The following BLM variants were observed in gnomAD, a reference collection of about 807,000 sequenced individuals.
BLM encodes the protein BLM RecQ like helicase.
Under a neutral mutation model 135.3 loss-of-function variants are expected in BLM, and 95 were observed. The observed-to-expected ratio is 0.70, with a 90% CI of 0.59 to 0.83. The LOEUF (loss-of-function observed/expected upper bound fraction) is 0.83, where lower values mean the gene tolerates loss of function less well. BLM is among the 40% of genes least tolerant of loss of function. The pLI is 0.00. For synonymous variants in BLM, 520 were observed against 589.2 expected (o/e 0.88, Z 1.70); for missense variants, 1,518 against 1,663.9 (o/e 0.91, Z 1.53).
intron 12 of BLM, among the ~76,000 whole-genome samples, chr15:90,773,195 G>A (rs8036974): frequency 0.1 from 15,382 of 151,674 alleles, 1,412 homozygotes; most frequent in African/African-American, 0.25. Flanking sequence ...CAAGGGAGAC[G>A]GATCACCTGA....
chr15:90,749,343 T>G, intron 2 of BLM, 24 bp from the exon 3 acceptor site: 1 of 1,547,214 alleles, frequency 6.5e-7, no homozygotes, highest in East Asian at 2.2e-5. Context: ...ATCCATCTAA[T>G]CTAGTTTTTC....
intron 2 of BLM, 54 bp downstream of exon 2, chr15:90,747,544 C>T: frequency 1.8e-6 from 2 of 1,085,332 alleles, no homozygotes; most frequent in African/African-American, 1.6e-5. Context: ...CCACATTGTA[C>T]ACATGAGATA....
chr15:90,747,571 C>T (rs28384976), intron 2 of BLM, 81 bp downstream of exon 2: 2 of 877,754 alleles, frequency 2.3e-6, no homozygotes, highest in Admixed American at 2.0e-5. Flanking sequence ...CTTTAAACTC[C>T]CCCATTGTAC....
chr15:90,767,606 A>G (rs996496963), intron 10 of BLM, among the ~76,000 whole-genome samples: 1 of 152,178 alleles, frequency 6.6e-6, no homozygotes, highest in Non-Finnish European at 1.5e-5. Context: ...AGAAACAGTG[A>G]TATGTTCTCA....
At chr15:90,759,935 AAAG>A (rs1313029305) in intron 5 of BLM, 21 of 389,966 alleles carry the variant, frequency 5.4e-5, no homozygotes, top group Admixed American at 2.8e-4. Context: ...AAAAAAAGAA[AAAG>A]AAATCAAGAT....
intron 6 of BLM, 146 bp downstream of exon 6, chr15:90,760,425 A>T: frequency 7.6e-7 from 1 of 1,312,120 alleles, no homozygotes. Flanking sequence ...TGATTTGTTT[A>T]CTTTTCAAAC....
chr15:90,779,717 TA>T (rs1365876949), intron 12 of BLM, among the ~76,000 whole-genome samples: 1 of 152,200 alleles, frequency 6.6e-6, no homozygotes, highest in Non-Finnish European at 1.5e-5. Flanking sequence ...AACAACATCA[TA>T]AAGTGAAGGT....
At chr15:90,755,078 A>G in intron 5 of BLM, 140 bp downstream of exon 5, 3 of 1,099,150 alleles carry the variant, frequency 2.7e-6, no homozygotes, top group Non-Finnish European at 3.9e-6. Flanking sequence ...TAATGTCATA[A>G]CCTTGTTTAC....
chr15:90,796,434 C>T (rs28385115), intron 16 of BLM, among the ~76,000 whole-genome samples: 17,099 of 152,104 alleles, frequency 0.11, 1,843 homozygotes, highest in African/African-American at 0.28. Flanking sequence ...GTACACTTCG[C>T]AGCCATAGTC....
Position 90,811,288 on chromosome 15 carries a change from C to A in BLM, c.3958C>A (p.Pro1320Thr), listed in dbSNP as rs1596273579. Residue 1320 changes from proline to threonine, a missense_variant, in exon 21 of 22, where the codon CCC becomes ACC. By Grantham distance (38) the Pro-to-Thr change is conservative. Coordinates refer to ENST00000355112, the MANE Select transcript of BLM (RefSeq NM_000057.4). ...CGCTGAGGAGCTCGACGAGGAAATACCCGTATCTTCCCACTACTTTGCAAG... is the reference window on the plus strand; with the variant it reads ...CGCTGAGGAGCTCGACGAGGAAATAACCGTATCTTCCCACTACTTTGCAAG... ...SAAEELDEEI[P>T]VSSHYFASKT... 1 of 1,614,174 alleles carries A rather than the reference C, an allele frequency of 6.2e-7. No individual in the cohort carries two copies. The highest frequency in any genetic ancestry group is 1.1e-5 in the South Asian group (1 of 91,088).
intron 1 of BLM, among the ~76,000 whole-genome samples, chr15:90,745,421 G>GT (rs1895474058): frequency 6.6e-6 from 1 of 151,896 alleles, no homozygotes; most frequent in African/African-American, 2.4e-5. Flanking sequence ...CTTTTTTGTT[G>GT]TTTTTTGAAA....
In BLM at chr15:90,769,537, A is replaced by G. The variant is rs577806633; in HGVS notation, c.2506A>G (p.Arg836Gly). ...VMALTATANP[R>G]VQKDILTQLK... is the part of the protein sequence containing the mutation. The stretch of plus-strand genomic sequence containing the variant: ...GGCTCTTACGGCCACAGCTAATCCC[A>G]GGGTACAGAAGGACATCCTGACTCA... Residue 836 changes from arginine to glycine, a missense_variant, in exon 12 of 22, where the codon AGG (arginine) becomes GGG (glycine). Arg to Gly is a moderately radical substitution (Grantham distance 125). Coordinates refer to ENST00000355112, the MANE Select transcript of BLM (RefSeq NM_000057.4). 1 of 1,613,996 alleles carries G rather than the reference A, an allele frequency of 6.2e-7. No individual in the cohort carries two copies. The highest frequency in any genetic ancestry group is 2.2e-5 in the East Asian group (1 of 44,876).
At chr15:90,719,023 G>C (rs1419390184) in intron 1 of BLM, among the ~76,000 whole-genome samples, 2 of 152,000 alleles carry the variant, frequency 1.3e-5, no homozygotes, top group East Asian at 1.9e-4. Flanking sequence ...ATGGAGTCTC[G>C]CTCTGTCGCC....
intron 13 of BLM, among the ~76,000 whole-genome samples, chr15:90,783,338 G>A (rs772137027): frequency 5.9e-5 from 9 of 152,086 alleles, no homozygotes; most frequent in Non-Finnish European, 1.3e-4. Flanking sequence ...ACTTTTCCAT[G>A]GAGAATATTT....
In BLM at chr15:90,782,899, G is replaced by C. The variant is rs966788239; in HGVS notation, c.2633G>C (p.Cys878Ser). ...PKKPKKVAFD[C>S]LEWIRKHHPY... ...AAGCCTAAAAAGGTGGCATTTGATT[G>C]CCTAGAATGGATCAGAAAGCACCAC... Residue 878 changes from cysteine (C) to serine (S), a missense_variant, in exon 13 of 22, where the codon TGC (cysteine) becomes TCC (serine). This residue lies in a region of BLM where 626 missense variants were observed against 681.1 expected (regional missense o/e 0.92). Transcript: ENST00000355112. The C allele has an allele frequency of 1.9e-6, 3 of 1,613,234 alleles. No individual in the cohort carries two copies. The African/African-American group carries it at 4.0e-5, about 22-fold the overall frequency.
chr15:90,732,242 G>C (rs929483734), intron 1 of BLM, among the ~76,000 whole-genome samples: 1 of 151,974 alleles, frequency 6.6e-6, no homozygotes, highest in African/African-American at 2.4e-5. Flanking sequence ...GGATTTTCTA[G>C]ATCTCATTTT....
At chr15:90,777,439 CA>C (rs1896509360) in intron 12 of BLM, among the ~76,000 whole-genome samples, 1 of 152,184 alleles carries the variant, frequency 6.6e-6, no homozygotes, top group Non-Finnish European at 1.5e-5. Context: ...AGGCGTGAGC[CA>C]CTGCACCTGG....
intron 1 of BLM, among the ~76,000 whole-genome samples, chr15:90,728,920 C>G (rs937777673): frequency 1.3e-5 from 2 of 151,978 alleles, no homozygotes; most frequent in African/African-American, 4.8e-5. Context: ...TGGCTCATGC[C>G]TGTAATCTCA....
In BLM at chr15:90,790,782, T is replaced by C. The variant is rs1060500631; in HGVS notation, c.2957T>C (p.Ile986Thr). 3 of 1,614,108 alleles carry C rather than the reference T, an allele frequency of 1.9e-6. No homozygotes were observed. In the South Asian group the frequency reaches 3.3e-5, roughly 18 times the overall value. ...ESGRAGRDGEISHCLLFYTYH... is the reference protein window; with the variant it reads ...ESGRAGRDGETSHCLLFYTYH... ...GGCAGAGCTGGAAGAGATGGGGAAA[T>C]ATCTCACTGCCTGCTTTTCTATACC... is the stretch of plus-strand genomic sequence containing the variant. The change falls in exon 15 of 22, where the codon ATA becomes ACA. Residue 986 changes from isoleucine to threonine, a missense_variant. Physicochemically the swap from Ile to Thr is moderately conservative, Grantham distance 89. Transcript: ENST00000355112.
Sources: allele counts gnomAD v4.1 joint callset (sites outside exome capture counted in the v4.1 genomes callset), GRCh38; gene constraint gnomAD v4.1.1; regional missense constraint gnomAD v4.1.1; transcripts MANE v1.5; gene names NCBI Gene and HGNC (gene_info 2026-07-23, HGNC 2026-07-21).